The following FLACC1 variants were observed in gnomAD, a reference collection of about 807,000 sequenced individuals.
FLACC1 encodes flagellum-associated coiled-coil domain-containing protein 1.
In FLACC1, 66 loss-of-function variants were observed where a neutral mutation model predicts 62.8. That is an observed-to-expected ratio of 1.05 (90% CI 0.86 to 1.29). The LOEUF (loss-of-function observed/expected upper bound fraction) is 1.29. Among genes scored for constraint, FLACC1 ranks in the 50% most tolerant of loss-of-function variants. The probability of loss-of-function intolerance (pLI) is 0.00; values close to 1 mark genes in which losing one functional copy is unlikely to be tolerated. For missense variants in FLACC1, 452 were observed against 489.1 expected (o/e 0.92, Z 0.71); for synonymous variants, 156 against 161.0 (o/e 0.97, Z 0.24).
At chr2:201,297,847 C>T (rs772396875) in intron 12 of FLACC1, among the ~76,000 whole-genome samples, 4 of 152,008 alleles carry the variant, frequency 2.6e-5, no homozygotes, top group Non-Finnish European at 4.4e-5. Context: ...GGGCAGGGAG[C>T]GGAGCCCTTA....
chr2:201,334,801 T>TAA (rs1167450811), intron 7 of FLACC1, among the ~76,000 whole-genome samples: 1 of 143,912 alleles, frequency 6.9e-6, no homozygotes, highest in Non-Finnish European at 1.5e-5. Flanking sequence ...AAAAAAAAGC[T>TAA]AAAAAAAAAA....
chr2:201,345,151 G>A (rs765815013), intron 5 of FLACC1, among the ~76,000 whole-genome samples: 19 of 152,200 alleles, frequency 1.2e-4, no homozygotes, highest in African/African-American at 2.2e-4. Context: ...GGTGGCTGTC[G>A]GTGCTAGCTT....
intron 1 of FLACC1, among the ~76,000 whole-genome samples, chr2:201,355,691 A>C (rs1678281273): frequency 6.6e-6 from 1 of 151,914 alleles, no homozygotes; most frequent in Non-Finnish European, 1.5e-5. Flanking sequence ...GAGACTCTGT[A>C]TCTACAAAAA....
chr2:201,316,290 GATAA>G (rs766914793), intron 9 of FLACC1, among the ~76,000 whole-genome samples: 4 of 151,950 alleles, frequency 2.6e-5, no homozygotes, highest in Non-Finnish European at 4.4e-5. Context: ...TCTTTGAAAA[GATAA>G]ATAAAATTGA....
chr2:201,339,633 T>A (rs996597727), intron 7 of FLACC1, among the ~76,000 whole-genome samples: 2 of 152,172 alleles, frequency 1.3e-5, no homozygotes, highest in Admixed American at 6.5e-5. Flanking sequence ...AAATTTTTTT[T>A]ATTTCCATCT....
intron 9 of FLACC1, among the ~76,000 whole-genome samples, chr2:201,310,899 C>T (rs528688325): frequency 1.2e-3 from 178 of 151,706 alleles, no homozygotes; most frequent in Non-Finnish European, 2.2e-3. Flanking sequence ...GTGCTAGCTA[C>T]ATTAGCAAAG....
intron 12 of FLACC1, among the ~76,000 whole-genome samples, chr2:201,291,243 G>A (rs560284087): frequency 1.1e-4 from 17 of 152,324 alleles, no homozygotes; most frequent in African/African-American, 3.8e-4. Flanking sequence ...GTGGGTCCCT[G>A]ACCCCTGAGT....
At chr2:201,328,041 A>C (rs1950527783) in intron 9 of FLACC1, among the ~76,000 whole-genome samples, 1 of 152,222 alleles carries the variant, frequency 6.6e-6, no homozygotes, top group Non-Finnish European at 1.5e-5. Flanking sequence ...TATTCTAAAC[A>C]AAGTAACACA....
Position 201,289,735 on chromosome 2 carries a change from G to C in FLACC1, c.993C>G (p.Asn331Lys), listed in dbSNP as rs1254245735. Residue 331 changes from asparagine to lysine, a missense_variant, in exon 13 of 15, where the codon AAC becomes AAG. Around this residue, in one of 3 missense-constraint regions of FLACC1, gnomAD observed 301 missense variants for 318.4 expected, o/e 0.95. Coordinates refer to ENST00000392257, the MANE Select transcript of FLACC1 (RefSeq NM_001127391.3). ...CCAACTGGGTATAGTAGAGGTTTGTGTTCAGTGACTCTAGGATAAGGGCTT... is the reference window on the plus strand; with the variant it reads ...CCAACTGGGTATAGTAGAGGTTTGTCTTCAGTGACTCTAGGATAAGGGCTT... ...HAQALILESL[N>K]TNLYYTQLEL... 1 of 1,614,056 alleles carries C rather than the reference G, an allele frequency of 6.2e-7. No individual in the cohort carries two copies. The highest frequency in any genetic ancestry group is 1.3e-5 in the African/African-American group (1 of 74,936).
intron 6 of FLACC1, among the ~76,000 whole-genome samples, chr2:201,343,870 AAAC>A (rs1316543130): frequency 4.6e-5 from 7 of 152,232 alleles, no homozygotes; most frequent in Non-Finnish European, 7.3e-5. Flanking sequence ...GCCAGACAGA[AAAC>A]AACAAGTGCA....
chr2:201,358,196 C>A (rs1951147957), upstream of FLACC1, among the ~76,000 whole-genome samples: 1 of 152,152 alleles, frequency 6.6e-6, no homozygotes, highest in African/African-American at 2.4e-5. Flanking sequence ...AATGAGAAAA[C>A]AGACAATAAA....
intron 11 of FLACC1, among the ~76,000 whole-genome samples, chr2:201,304,588 G>C (rs1397019388): frequency 6.6e-6 from 1 of 151,892 alleles, no homozygotes; most frequent in Admixed American, 6.6e-5. Context: ...CTACTTTTAT[G>C]GTTCATTTGG....
intron 7 of FLACC1, among the ~76,000 whole-genome samples, chr2:201,337,809 C>A (rs886462761): frequency 2.6e-5 from 4 of 152,224 alleles, no homozygotes; most frequent in African/African-American, 9.6e-5. Context: ...AGGTGTGAGT[C>A]ACCATGCCTG....
intron 9 of FLACC1, among the ~76,000 whole-genome samples, chr2:201,316,221 T>A (rs555059096): frequency 3.9e-5 from 6 of 151,900 alleles, no homozygotes; most frequent in African/African-American, 1.4e-4. Flanking sequence ...CAGAACTGAA[T>A]GAAATCAAAC....
At chr2:201,296,344 G>T (rs190187215) in intron 12 of FLACC1, among the ~76,000 whole-genome samples, 206 of 152,194 alleles carry the variant, frequency 1.4e-3, no homozygotes, top group African/African-American at 4.7e-3. Flanking sequence ...AAAAAATGAT[G>T]AGCTCATGTC....
intron 1 of FLACC1, among the ~76,000 whole-genome samples, chr2:201,356,544 A>G (rs950355866): frequency 2.0e-5 from 3 of 152,162 alleles, no homozygotes; most frequent in African/African-American, 4.8e-5. Flanking sequence ...CTTCTAACAG[A>G]TTTTTGGGGC....
chr2:201,338,057 T>C (rs1950730070), intron 7 of FLACC1, among the ~76,000 whole-genome samples: 1 of 152,256 alleles, frequency 6.6e-6, no homozygotes. Context: ...CATTTGTTTG[T>C]GTCCTCTTCA....
rs528841168 is a variant in FLACC1 at position 201,339,779 on chromosome 2, C to G, written c.524+2591G>C. On this transcript the variant is annotated intron_variant, in intron 7 of 14. Transcript: ENST00000392257. Reference sequence around the variant, plus strand: ...TTATAAGTGTGCCTATCTTTGGGCCCCAGGGTGGCATATGCTGGCATTAAG... The same window carrying G: ...TTATAAGTGTGCCTATCTTTGGGCCGCAGGGTGGCATATGCTGGCATTAAG... Among the ~76,000 whole-genome samples the G allele has an allele frequency of 8.5e-5, 13 of 152,146 alleles. No homozygotes were observed. In the South Asian group the frequency reaches 2.7e-3, roughly 32 times the overall value.
intron 9 of FLACC1, among the ~76,000 whole-genome samples, chr2:201,319,780 A>G (rs1490277019): frequency 6.6e-6 from 1 of 152,250 alleles, no homozygotes; most frequent in Admixed American, 6.5e-5. Context: ...TTGCTAGCAT[A>G]CTTCTCCCAC....
Sources: gnomAD v4.1 joint callset for allele counts (sites outside exome capture counted in the v4.1 genomes callset) on GRCh38, gnomAD v4.1.1 for gene constraint, gnomAD v4.1.1 regional missense constraint, MANE v1.5 for transcripts, NCBI Gene and HGNC (gene_info 2026-07-23, HGNC 2026-07-21) for gene names.